Variants in HDAC9 observed in about 807,000 individuals in gnomAD.
The protein encoded by HDAC9 is MEF-2 interacting transcription repressor (MITR) protein.
Under a neutral mutation model 139.4 loss-of-function variants are expected in HDAC9, and 41 were observed. That is an observed-to-expected ratio of 0.29 (90% confidence interval 0.23 to 0.38). The LOEUF (loss-of-function observed/expected upper bound fraction) is 0.38, where lower values mean the gene tolerates loss of function less well. HDAC9 is among the 10% of genes least tolerant of loss of function. The probability of loss-of-function intolerance (pLI) is 1.00; values close to 1 mark genes in which losing one functional copy is unlikely to be tolerated. For missense variants in HDAC9, 1,147 were observed against 1,297.0 expected, an observed-to-expected ratio of 0.88 and a Z score of 1.78; for synonymous variants, 517 against 476.2, an observed-to-expected ratio of 1.09 and a Z score of -1.12.
chr7:18,977,241 C>T (rs1324327653), intron 25 of HDAC9, among the ~76,000 whole-genome samples: 2 of 152,082 alleles, frequency 1.3e-5, no homozygotes. Flanking sequence ...AAGAACTGAA[C>T]CAAGTTCATA....
intron 1 of HDAC9, among the ~76,000 whole-genome samples, chr7:18,360,173 T>A (rs1420286068): frequency 6.6e-6 from 1 of 152,256 alleles, no homozygotes; most frequent in African/African-American, 2.4e-5. Context: ...TCTCCAGTCC[T>A]AACCTCTTAT....
Position 18,273,367 on chromosome 7 carries a change from C to T in HDAC9, c.25+111018C>T, listed in dbSNP as rs548910333. ...TACAGGTGTGAACCACTGCAGCCAG[C>T]CTAGACTTCTTATAAAGCCATAAGG... On this transcript the variant is annotated intron_variant, in intron 2 of 12. Transcript: ENST00000417496. Among the ~76,000 whole-genome samples, 53 of 152,142 alleles carry T rather than the reference C, an allele frequency of 3.5e-4. No homozygotes were observed. In the South Asian group the frequency reaches 0.011, roughly 30 times the overall value.
At chr7:18,585,159 C>T in intron 2 of HDAC9, 122 bp from the exon 3 acceptor site, 2 of 1,037,318 alleles carry the variant, frequency 1.9e-6, no homozygotes, top group Non-Finnish European at 2.9e-6. Context: ...TGGCTAGAGT[C>T]ATTGGCATAA....
chr7:18,168,879 GTTTTTTTTTTTT>G (rs112502543), intron 2 of HDAC9, among the ~76,000 whole-genome samples: 1 of 80,878 alleles, frequency 1.2e-5, no homozygotes, highest in Non-Finnish European at 2.5e-5. Flanking sequence ...CAAATGTCTT[GTTTTTTTTTTTT>G]TTTTTTTGTG....
chr7:18,680,577 T>C (rs950141040), intron 12 of HDAC9, among the ~76,000 whole-genome samples: 4 of 151,994 alleles, frequency 2.6e-5, no homozygotes, highest in African/African-American at 7.2e-5. Flanking sequence ...AGGGAGGTTA[T>C]GTGGATGTAT....
At chr7:18,994,678 T>A (rs1585521620) in intron 25 of HDAC9, among the ~76,000 whole-genome samples, 1 of 152,352 alleles carries the variant, frequency 6.6e-6, no homozygotes, top group South Asian at 2.1e-4. Flanking sequence ...CTTTTAATGT[T>A]TTAGATTTGT....
intron 22 of HDAC9, among the ~76,000 whole-genome samples, chr7:18,914,543 T>A (rs28636957): frequency 6.6e-6 from 1 of 151,878 alleles, no homozygotes; most frequent in Non-Finnish European, 1.5e-5. Context: ...GTTTCTAATA[T>A]AATTTTTAAG....
chr7:18,091,460 A>G (rs1443147448), intron 1 of HDAC9, among the ~76,000 whole-genome samples: 1 of 152,330 alleles, frequency 6.6e-6, no homozygotes, highest in East Asian at 1.9e-4. Flanking sequence ...ATTTGAAGTG[A>G]CCACTGAAAG....
At chr7:18,655,585 A>G (rs918736561) in intron 11 of HDAC9, among the ~76,000 whole-genome samples, 1 of 152,198 alleles carries the variant, frequency 6.6e-6, no homozygotes, top group Non-Finnish European at 1.5e-5. Context: ...TAACATACAG[A>G]AAGTGGCTTG....
chr7:18,509,621 C>G (rs1044072447), intron 2 of HDAC9, among the ~76,000 whole-genome samples: 9 of 152,200 alleles, frequency 5.9e-5, no homozygotes, highest in African/African-American at 1.9e-4. Flanking sequence ...CCTTAATGCT[C>G]TATTCCAACT....
At chr7:18,339,797 T>G (rs913159882) in intron 1 of HDAC9, among the ~76,000 whole-genome samples, 1 of 151,562 alleles carries the variant, frequency 6.6e-6, no homozygotes, top group African/African-American at 2.4e-5. Context: ...GATGTGTTAT[T>G]GCACACAATG....
chr7:18,155,625 A>G (rs917831410), intron 1 of HDAC9, among the ~76,000 whole-genome samples: 2 of 152,176 alleles, frequency 1.3e-5, no homozygotes, highest in Admixed American at 6.5e-5. Context: ...CTGTTCTTAA[A>G]TGGTTCTCCT....
chr7:18,879,836 C>G (rs1443388347), intron 22 of HDAC9, among the ~76,000 whole-genome samples: 1 of 152,168 alleles, frequency 6.6e-6, no homozygotes, highest in African/African-American at 2.4e-5. Context: ...TAAATAGCCT[C>G]TGCACAGCAA....
At chr7:18,253,592 A>G (rs375572892) in intron 2 of HDAC9, among the ~76,000 whole-genome samples, 2 of 152,112 alleles carry the variant, frequency 1.3e-5, no homozygotes, top group African/African-American at 4.8e-5. Context: ...CCATGTTTTA[A>G]TGGAACTGAC....
intron 6 of HDAC9, among the ~76,000 whole-genome samples, chr7:18,604,954 G>A (rs1223673606): frequency 6.6e-6 from 1 of 152,112 alleles, no homozygotes; most frequent in African/African-American, 2.4e-5. Context: ...CTTTTAGGAT[G>A]CTTTATAATT....
At chr7:18,883,993 A>T (rs1799934267) in intron 22 of HDAC9, among the ~76,000 whole-genome samples, 1 of 152,214 alleles carries the variant, frequency 6.6e-6, no homozygotes, top group Non-Finnish European at 1.5e-5. Context: ...TTAACCAAGG[A>T]GGTGAAAGAT....
intron 2 of HDAC9, among the ~76,000 whole-genome samples, chr7:18,582,400 C>T (rs545988861): frequency 4.6e-5 from 7 of 152,180 alleles, no homozygotes; most frequent in South Asian, 2.1e-4. Flanking sequence ...AATATGTGCT[C>T]GATAAGGGCT....
chr7:18,989,042 T>C (rs1229854177), intron 25 of HDAC9, among the ~76,000 whole-genome samples: 8 of 117,804 alleles, frequency 6.8e-5, no homozygotes, highest in Non-Finnish European at 1.3e-4. Context: ...GTCTTTTAAT[T>C]GGAGCATTTA....
intron 13 of HDAC9, among the ~76,000 whole-genome samples, chr7:18,747,007 G>A (rs1788031117): frequency 6.6e-6 from 1 of 152,152 alleles, no homozygotes; most frequent in South Asian, 2.1e-4. Flanking sequence ...TTAGCCAAAT[G>A]AGGACTGGAG....
Sources: gnomAD v4.1 joint callset for allele counts (sites outside exome capture counted in the v4.1 genomes callset) on GRCh38, gnomAD v4.1.1 for gene constraint, MANE v1.5 for transcripts, NCBI Gene and HGNC (gene_info 2026-07-23, HGNC 2026-07-21) for gene names.